The following SOCS7 variants were observed in gnomAD, a reference collection of about 807,000 sequenced individuals.
SOCS7 encodes the protein NAP-4.
In SOCS7, 18 loss-of-function variants were observed where a neutral mutation model predicts 58.9. The observed-to-expected ratio is 0.31, with a 90% confidence interval of 0.21 to 0.45. The LOEUF (loss-of-function observed/expected upper bound fraction) is 0.45. SOCS7 is among the 20% of genes least tolerant of loss of function. The pLI is 1.00. For missense variants in SOCS7, 667 were observed against 837.3 expected, an observed-to-expected ratio of 0.80 and a Z score of 2.51; for synonymous variants, 388 against 364.3, an observed-to-expected ratio of 1.06 and a Z score of -0.74.
chr17:38,403,610 ATGTG>A lies in SOCS7; in HGVS notation c.*4144_*4147del, dbSNP rs58800510. On this transcript the variant is annotated 3_prime_UTR_variant, in exon 10 of 10. Coordinates refer to ENST00000612932, the MANE Select transcript of SOCS7 (RefSeq NM_014598.4). The stretch of plus-strand genomic sequence containing the variant: ...AGTCTGTGTGTGTGCATATGCATGC[ATGTG>A]TGTGTGTGTGTGTGTCCTCATTTGC... 3 of 150,922 alleles carry A rather than the reference ATGTG, an allele frequency of 2.0e-5. No individual in the cohort carries two copies. The highest frequency in any genetic ancestry group is 3.0e-5 in the Non-Finnish European group (2 of 67,574). 9.3% of individuals were successfully genotyped at this position (150,922 alleles called of 1,614,324 possible). A position where few individuals can be genotyped will look rare whatever the true frequency, so the allele number is the denominator to read the frequency against.
chr17:38,362,992 G>C (rs2037740192), intron 2 of SOCS7, among the ~76,000 whole-genome samples: 1 of 152,054 alleles, frequency 6.6e-6, no homozygotes, highest in Non-Finnish European at 1.5e-5. Flanking sequence ...CCGCACGCCT[G>C]TAGTCCAGCT....
intron 1 of SOCS7, among the ~76,000 whole-genome samples, chr17:38,359,516 A>T (rs1448992223): frequency 1.3e-5 from 2 of 152,236 alleles, no homozygotes. Flanking sequence ...GTGTTAAAAC[A>T]TAAATGCATA....
chr17:38,361,650 A>T, intron 1 of SOCS7, 61 bp from the exon 2 acceptor site: 1 of 1,274,910 alleles, frequency 7.8e-7, no homozygotes. Context: ...TGTTGTGGTG[A>T]CTTAAATGCA....
At chr17:38,354,837 G>A (rs1187789195) in intron 1 of SOCS7, among the ~76,000 whole-genome samples, 1 of 152,166 alleles carries the variant, frequency 6.6e-6, no homozygotes, top group African/African-American at 2.4e-5. Flanking sequence ...CGCCAAATAC[G>A]AGGTGTGGCG....
chr17:38,390,409 A>G (rs1272410947), intron 7 of SOCS7, among the ~76,000 whole-genome samples: 1 of 152,050 alleles, frequency 6.6e-6, no homozygotes, highest in Admixed American at 6.5e-5. Flanking sequence ...TTGCATTTCC[A>G]TATGAATTTT....
Position 38,381,543 on chromosome 17 carries a change from C to G in SOCS7, c.1681+3701C>G, listed in dbSNP as rs990674730. Among the ~76,000 whole-genome samples the G allele has an allele frequency of 5.9e-5, 9 of 152,286 alleles. No individual in the cohort carries two copies. The East Asian group carries it at 1.7e-3, about 29-fold the overall frequency. ...TTACCCTTTGAGGGGATAGTACCGT[C>G]TCCTTTTTATTTTTTTTCTTTTTGA... On this transcript the variant is annotated intron_variant, in intron 7 of 9. Coordinates refer to ENST00000612932, the MANE Select transcript of SOCS7 (RefSeq NM_014598.4).
chr17:38,387,526 TTATATACACAATATATAGTATATA>T (rs1234678204), intron 7 of SOCS7, among the ~76,000 whole-genome samples: 13 of 141,752 alleles, frequency 9.2e-5, no homozygotes, highest in African/African-American at 3.5e-4. Context: ...ATTGTATATA[TTATATACACAATATATAGTATATA>T]TATACACAAT....
At chr17:38,372,694 G>A (rs373210972) in intron 6 of SOCS7, among the ~76,000 whole-genome samples, 1 of 152,218 alleles carries the variant, frequency 6.6e-6, no homozygotes, top group Non-Finnish European at 1.5e-5. Flanking sequence ...TCCCCTAAGA[G>A]GCAGAGAAAA....
chr17:38,372,701 A>G (rs1233613854), intron 6 of SOCS7, among the ~76,000 whole-genome samples: 3 of 152,246 alleles, frequency 2.0e-5, no homozygotes, highest in Non-Finnish European at 4.4e-5. Context: ...AGAGGCAGAG[A>G]AAAGTTAGAA....
chr17:38,369,909 C>T (rs1208779671), intron 6 of SOCS7, among the ~76,000 whole-genome samples: 1 of 151,902 alleles, frequency 6.6e-6, no homozygotes, highest in Non-Finnish European at 1.5e-5. Context: ...CCTGCCTCAG[C>T]CTCCCATGTA....
intron 6 of SOCS7, 122 bp downstream of exon 6, chr17:38,368,172 A>G: frequency 1.2e-6 from 1 of 853,092 alleles, no homozygotes; most frequent in Admixed American, 2.8e-5. Context: ...ATTATCTTAG[A>G]CTCAGTTGAA....
intron 6 of SOCS7, among the ~76,000 whole-genome samples, chr17:38,370,930 T>C (rs2037855463): frequency 6.6e-6 from 1 of 152,264 alleles, no homozygotes; most frequent in African/African-American, 2.4e-5. Flanking sequence ...ATTACAAGCA[T>C]GAGCCACGGC....
chr17:38,368,040 G>A lies in SOCS7; in HGVS notation c.1542G>A (p.Glu514=). The A allele has an allele frequency of 5.0e-6, 8 of 1,613,500 alleles. No homozygotes were observed. Among genetic ancestry groups the A allele is most frequent in the Non-Finnish European group, 6.8e-6 (8 of 1,179,568 alleles). The change falls in exon 6 of 10, where the codon GAG becomes GAA. Residue 514 remains glutamate, a synonymous_variant. Coordinates refer to ENST00000612932, the MANE Select transcript of SOCS7 (RefSeq NM_014598.4). ...SQGITHHTRM[E]HYRGTFSLWC... is the part of the protein sequence containing the mutation. ...GTATCACCCACCACACTAGAATGGA[G>A]CACTACAGAGGTAAGAGATACTGGT...
In SOCS7 at chr17:38,380,545, G is replaced by A. The variant is rs528067574; in HGVS notation, c.1681+2703G>A. ...CTCTGGAGGCTGAGGCAGGAGAATC[G>A]CTTAAAACCCAGGAGGCTGAGGTTG... On this transcript the variant is annotated intron_variant, in intron 7 of 9. Transcript: ENST00000612932. 5.3e-5 allele frequency among the ~76,000 whole-genome samples: 8 copies of A among 149,952 alleles called. No homozygotes were observed. The East Asian group carries it at 1.2e-3, about 22-fold the overall frequency.
intron 9 of SOCS7, among the ~76,000 whole-genome samples, 165 bp downstream of exon 9, chr17:38,396,163 A>C (rs200758439): frequency 6.6e-6 from 1 of 152,374 alleles, no homozygotes; most frequent in South Asian, 2.1e-4. Context: ...CAAGGGGCAC[A>C]CACCCCATTT....
chr17:38,395,523 A>G (rs1000784834), intron 8 of SOCS7, 79 bp downstream of exon 8: 2 of 1,409,274 alleles, frequency 1.4e-6, no homozygotes, highest in East Asian at 2.3e-5. Flanking sequence ...GAGGCCTGCA[A>G]GCTACCTTCA....
chr17:38,403,349 G>A lies in SOCS7; in HGVS notation c.*3867G>A, dbSNP rs1007755928. On this transcript the variant is annotated 3_prime_UTR_variant, in exon 10 of 10. Coordinates refer to ENST00000612932, the MANE Select transcript of SOCS7 (RefSeq NM_014598.4). ...TTCCTAGGTCTAGGGGTGAGAGGTG[G>A]GAGTAGAACCAGAAGTGCCCTGGAA... The A allele has an allele frequency of 6.6e-6, 1 of 152,248 alleles. No homozygotes were observed. The highest frequency in any genetic ancestry group is 1.5e-5 in the Non-Finnish European group (1 of 68,102). The allele number at this position is 152,248 out of a possible 1,614,324, so 9.4% of individuals were successfully genotyped here.
chr17:38,378,415 G>A (rs934017956), intron 7 of SOCS7, among the ~76,000 whole-genome samples: 1 of 152,140 alleles, frequency 6.6e-6, no homozygotes, highest in South Asian at 2.1e-4. Context: ...TTGGGAGGCT[G>A]AGGTGGGAGG....
intron 9 of SOCS7, among the ~76,000 whole-genome samples, chr17:38,398,831 G>A (rs138501736): frequency 6.2e-4 from 95 of 152,242 alleles, no homozygotes; most frequent in African/African-American, 2.2e-3. Flanking sequence ...GATGGTTCAC[G>A]TCTGTAATCC....
Sources: allele counts gnomAD v4.1 joint callset (sites outside exome capture counted in the v4.1 genomes callset), GRCh38; gene constraint gnomAD v4.1.1; transcripts MANE v1.5; gene names NCBI Gene and HGNC (gene_info 2026-07-23, HGNC 2026-07-21).